The following SKP1 variants were observed in gnomAD, a reference collection of about 807,000 sequenced individuals.
SKP1 encodes S-phase kinase associated protein 1.
In SKP1, 1 loss-of-function variant was observed where a neutral mutation model predicts 21.5. That is an observed-to-expected ratio of 0.05 (90% confidence interval 0.02 to 0.22). The LOEUF (loss-of-function observed/expected upper bound fraction) is 0.22. Ranked by LOEUF, SKP1 falls within the 10% of genes least tolerant of loss-of-function variation. The pLI is 1.00. For missense variants in SKP1, 70 were observed against 192.0 expected (o/e 0.36, Z 3.76); for synonymous variants, 59 against 59.3 (o/e 0.99, Z 0.03).
At chr5:134,176,176 A>G (rs1299096096) in intron 1 of SKP1, among the ~76,000 whole-genome samples, 1 of 152,226 alleles carries the variant, frequency 6.6e-6, no homozygotes, top group African/African-American at 2.4e-5. Context: ...TAAGGCTCCT[A>G]CAAGTCACAC....
rs534542968 is a variant in SKP1 at position 134,164,703 on chromosome 5, GATAAA to G, written c.171+2462_171+2466del. ...AGTCATAAAGAATGAGATCTAACTAGATAAAATAAAGCCTCTAAATCGTAACATGA... is the reference window on the plus strand; with the variant it reads ...AGTCATAAAGAATGAGATCTAACTAGATAAAGCCTCTAAATCGTAACATGA... On this transcript the variant is annotated intron_variant, in intron 3 of 5. Coordinates refer to ENST00000353411, the MANE Select transcript of SKP1 (RefSeq NM_170679.3). 2.3e-3 allele frequency among the ~76,000 whole-genome samples: 348 copies of G among 152,216 alleles called. 1 individual carries two copies. The highest frequency in any genetic ancestry group is 0.012 in the South Asian group (60 of 4,828).
chr5:134,151,728 C>G lies in SKP1; in HGVS notation c.*6005G>C, dbSNP rs989645430. 9.0e-5 allele frequency: 41 copies of G among 455,726 alleles called. 1 individual carries two copies. The highest frequency in any genetic ancestry group is 7.8e-4 in the African/African-American group (39 of 50,068). The allele number at this position is 455,726 out of a possible 1,614,324, so 28.2% of individuals were successfully genotyped here. A position where few individuals can be genotyped will look rare whatever the true frequency, so the allele number is the denominator to read the frequency against. ...TGGAAGCAGACACTGTTATGAGCAACTACATTCCTCCCATAGAATGCTGCT... is the reference window on the plus strand; with the variant it reads ...TGGAAGCAGACACTGTTATGAGCAAGTACATTCCTCCCATAGAATGCTGCT... On this transcript the variant is annotated 3_prime_UTR_variant, in exon 6 of 6. Transcript: ENST00000353411.
At chr5:134,172,114 A>AT (rs1226859613) in intron 2 of SKP1, among the ~76,000 whole-genome samples, 1 of 152,268 alleles carries the variant, frequency 6.6e-6, no homozygotes, top group East Asian at 1.9e-4. Flanking sequence ...AGACTCAAGA[A>AT]TAACACTAGC....
chr5:134,171,010 T>G, intron 2 of SKP1: 1 of 456,172 alleles, frequency 2.2e-6, no homozygotes, highest in South Asian at 1.5e-5. Context: ...AACATACTCT[T>G]CATTCAATAG....
chr5:134,162,719 T>C (rs1358759857), intron 3 of SKP1, among the ~76,000 whole-genome samples: 17 of 152,180 alleles, frequency 1.1e-4, no homozygotes, highest in Non-Finnish European at 1.5e-5. Flanking sequence ...AATAGCTTTT[T>C]AGGAAGTATT....
intron 3 of SKP1, 177 bp from the exon 4 acceptor site, chr5:134,161,307 G>A (rs1219543513): frequency 3.9e-6 from 2 of 518,264 alleles, no homozygotes. Context: ...CCCTAGAAGG[G>A]AGAAGATCTT....
At chr5:134,165,112 G>A (rs144049418) in intron 3 of SKP1, among the ~76,000 whole-genome samples, 44 of 152,028 alleles carry the variant, frequency 2.9e-4, no homozygotes, top group Non-Finnish European at 5.4e-4. Flanking sequence ...AGTTTAATGG[G>A]TACAGAGTTT....
rs1761140322 is a variant in SKP1 at position 134,157,480 on chromosome 5, T to C, written c.*253A>G. ...AAGAGGGAAAGCCCAAAATGCCACT[T>C]ATAGAGAACCCACAGTTCAGTTTTA... On this transcript the variant is annotated 3_prime_UTR_variant, in exon 6 of 6. Transcript: ENST00000353411. The C allele has an allele frequency of 2.6e-6, 1 of 384,802 alleles. No individual in the cohort carries two copies. Among genetic ancestry groups the C allele is most frequent in the Non-Finnish European group, 4.7e-6 (1 of 212,724 alleles). The allele number at this position is 384,802 out of a possible 1,614,324, so 23.8% of individuals were successfully genotyped here.
chr5:134,174,301 T>C (rs1397955783), intron 1 of SKP1, among the ~76,000 whole-genome samples: 1 of 152,246 alleles, frequency 6.6e-6, no homozygotes, highest in Non-Finnish European at 1.5e-5. Flanking sequence ...AACATACATA[T>C]TTGTATTTGC....
intron 3 of SKP1, among the ~76,000 whole-genome samples, chr5:134,163,545 T>C (rs1232240298): frequency 6.7e-6 from 1 of 148,542 alleles, no homozygotes; most frequent in African/African-American, 2.5e-5. Context: ...ATCCCAGCAC[T>C]CTGGGAGGCC....
chr5:134,163,482 A>C (rs1352964202), intron 3 of SKP1, among the ~76,000 whole-genome samples: 3 of 150,340 alleles, frequency 2.0e-5, no homozygotes, highest in African/African-American at 7.4e-5. Context: ...CAATACAAAC[A>C]GGCTTAAAAA....
chr5:134,162,690 G>A (rs1761242230), intron 3 of SKP1, among the ~76,000 whole-genome samples: 1 of 152,052 alleles, frequency 6.6e-6, no homozygotes, highest in Admixed American at 6.6e-5. Context: ...CCCAGCTAAG[G>A]GTTTTTAATG....
In SKP1 at chr5:134,153,030, A is replaced by C. The variant is rs1357521899; in HGVS notation, c.*4703T>G. Reference sequence around the variant, plus strand: ...CTTTCCCTTTGCTTGCAATCTTCTTATTCTTGACTTCTTCCTAGCTTAAAA... The same window carrying C: ...CTTTCCCTTTGCTTGCAATCTTCTTCTTCTTGACTTCTTCCTAGCTTAAAA... On this transcript the variant is annotated 3_prime_UTR_variant, in exon 6 of 6. Transcript: ENST00000353411. The C allele has an allele frequency of 1.3e-5, 2 of 152,324 alleles. No individual in the cohort carries two copies. Among genetic ancestry groups the C allele is most frequent in the African/African-American group, 2.4e-5 (1 of 41,576 alleles). 9.4% of individuals were successfully genotyped at this position (152,324 alleles called of 1,614,324 possible).
chr5:134,162,395 G>A lies in SKP1; in HGVS notation c.172-1265C>T, dbSNP rs887651528. ...CTATGAGCCACTGTGCCTGGCCAGCGAAAGGTTTTTGTTTTCGTTTTAATT... is the reference window on the plus strand; with the variant it reads ...CTATGAGCCACTGTGCCTGGCCAGCAAAAGGTTTTTGTTTTCGTTTTAATT... On this transcript the variant is annotated intron_variant, in intron 3 of 5. Coordinates refer to ENST00000353411, the MANE Select transcript of SKP1 (RefSeq NM_170679.3). Among the ~76,000 whole-genome samples, 28 of 152,068 alleles carry A rather than the reference G, an allele frequency of 1.8e-4. 1 individual carries two copies. Among genetic ancestry groups the A allele is most frequent in the Admixed American group, 7.2e-4 (11 of 15,250 alleles).
At chr5:134,168,408 C>T (rs1326851714) in intron 2 of SKP1, among the ~76,000 whole-genome samples, 3 of 152,026 alleles carry the variant, frequency 2.0e-5, no homozygotes, top group African/African-American at 7.3e-5. Flanking sequence ...CAGCCACTGA[C>T]AAAAACAAGG....
intron 2 of SKP1, among the ~76,000 whole-genome samples, chr5:134,167,689 A>C (rs1024383791): frequency 1.3e-5 from 2 of 152,040 alleles, no homozygotes; most frequent in Non-Finnish European, 2.9e-5. Flanking sequence ...ACGCCCGGCT[A>C]ATTTTTTGTA....
Position 134,156,734 on chromosome 5 carries a change from G to A in SKP1, c.*999C>T, listed in dbSNP as rs1761127267. ...AGGCATATAAATGACAATTAGAAGG[G>A]ACAGAAGTTATGGTTATGTCAGCAG... On this transcript the variant is annotated 3_prime_UTR_variant, in exon 6 of 6. Coordinates refer to ENST00000353411, the MANE Select transcript of SKP1 (RefSeq NM_170679.3). 6.6e-6 allele frequency: 1 copy of A among 152,322 alleles called. No homozygotes were observed. The highest frequency in any genetic ancestry group is 2.4e-5 in the African/African-American group (1 of 41,424). 9.4% of individuals were successfully genotyped at this position (152,322 alleles called of 1,614,324 possible). A position where few individuals can be genotyped will look rare whatever the true frequency, so the allele number is the denominator to read the frequency against.
intron 2 of SKP1, among the ~76,000 whole-genome samples, chr5:134,172,947 G>A (rs1761471800): frequency 1.3e-5 from 2 of 151,412 alleles, no homozygotes; most frequent in African/African-American, 4.9e-5. Context: ...GGGGGGCAGA[G>A]GTTGCAGTGA....
At chr5:134,176,576 G>C (rs1761552217) in intron 1 of SKP1, 4 of 152,346 alleles carry the variant, frequency 2.6e-5, no homozygotes, top group Admixed American at 2.6e-4. Flanking sequence ...CTGACGCTCG[G>C]CCGGTGCAGA....
Sources: allele counts gnomAD v4.1 joint callset (sites outside exome capture counted in the v4.1 genomes callset), GRCh38; gene constraint gnomAD v4.1.1; transcripts MANE v1.5; gene names NCBI Gene and HGNC (gene_info 2026-07-23, HGNC 2026-07-21).